CTNNA2: variants seen among roughly 807,000 people sequenced by gnomAD.
The protein encoded by CTNNA2 is catenin alpha 2.
In CTNNA2, 42 loss-of-function variants were observed where a neutral mutation model predicts 101.0. The observed-to-expected ratio is 0.42, with a 90% CI of 0.32 to 0.54. The LOEUF (loss-of-function observed/expected upper bound fraction) is 0.54, where lower values mean the gene tolerates loss of function less well. CTNNA2 is among the 20% of genes least tolerant of loss of function. The probability of loss-of-function intolerance (pLI) is 0.14; values close to 1 mark genes in which losing one functional copy is unlikely to be tolerated. For missense variants in CTNNA2, 871 were observed against 1,223.1 expected, an observed-to-expected ratio of 0.71 and a Z score of 4.29; for synonymous variants, 450 against 456.4, an observed-to-expected ratio of 0.99 and a Z score of 0.18.
chr2:80,259,175 C>T (rs1672405466), intron 7 of CTNNA2, among the ~76,000 whole-genome samples: 1 of 152,116 alleles, frequency 6.6e-6, no homozygotes, highest in South Asian at 2.1e-4. Flanking sequence ...TGTCTAGATA[C>T]TGGGTAGCTG....
intron 7 of CTNNA2, among the ~76,000 whole-genome samples, chr2:80,190,851 C>T (rs1471979939): frequency 6.6e-6 from 1 of 152,158 alleles, no homozygotes; most frequent in Non-Finnish European, 1.5e-5. Flanking sequence ...CCTTTTGCAA[C>T]AGCAATGTCC....
rs1221113620 is a variant in CTNNA2 at position 80,140,483 on chromosome 2, GCT to G, written c.1056+230689_1056+230690del. Among the ~76,000 whole-genome samples the G allele has an allele frequency of 3.4e-3, 521 of 152,224 alleles. 2 individuals are homozygous for G. Among genetic ancestry groups the G allele is most frequent in the African/African-American group, 0.011 (470 of 41,552 alleles). ...TGGTCTTAAGTCCATGGTGACAGAA[GCT>G]CTGTCCTATCCCTTCCCACCCATCC... is the stretch of plus-strand genomic sequence containing the variant. On this transcript the variant is annotated intron_variant, in intron 7 of 18. Transcript: ENST00000402739.
chr2:79,336,942 T>C (rs1438196895), intron 3 of CTNNA2, among the ~76,000 whole-genome samples: 2 of 152,152 alleles, frequency 1.3e-5, no homozygotes, highest in Non-Finnish European at 2.9e-5. Context: ...TCTTCCCAGA[T>C]TGTGACCTTG....
At chr2:80,598,894 T>C (rs1238265377) in intron 15 of CTNNA2, among the ~76,000 whole-genome samples, 1 of 152,164 alleles carries the variant, frequency 6.6e-6, no homozygotes, top group Non-Finnish European at 1.5e-5. Context: ...GTATAAACAG[T>C]ATGAGAGAAA....
intron 2 of CTNNA2, among the ~76,000 whole-genome samples, chr2:79,301,019 C>T (rs1036445001): frequency 6.6e-6 from 1 of 152,148 alleles, no homozygotes; most frequent in East Asian, 1.9e-4. Flanking sequence ...TCTCTTTTCT[C>T]TTTCTGAAAT....
chr2:79,868,476 TCTTC>T (rs1054334290), intron 4 of CTNNA2, among the ~76,000 whole-genome samples: 3 of 152,262 alleles, frequency 2.0e-5, no homozygotes, highest in Non-Finnish European at 4.4e-5. Context: ...ATACGTATTC[TCTTC>T]CTTTGCTCAG....
At chr2:79,672,862 A>T (rs1413869321) in intron 2 of CTNNA2, among the ~76,000 whole-genome samples, 4 of 151,954 alleles carry the variant, frequency 2.6e-5, no homozygotes, top group Non-Finnish European at 5.9e-5. Context: ...GGCGCCTGCC[A>T]CCATGCCCAG....
At chr2:79,220,928 A>G (rs1674336604) in intron 2 of CTNNA2, among the ~76,000 whole-genome samples, 1 of 152,216 alleles carries the variant, frequency 6.6e-6, no homozygotes, top group African/African-American at 2.4e-5. Flanking sequence ...AATAATAAAT[A>G]CTGAGAAATA....
chr2:79,340,634 C>T (rs1677108836), intron 3 of CTNNA2, among the ~76,000 whole-genome samples: 1 of 151,918 alleles, frequency 6.6e-6, no homozygotes, highest in Non-Finnish European at 1.5e-5. Flanking sequence ...GAGATAGAGA[C>T]CGTCCTGGCT....
In CTNNA2 at chr2:79,874,339, T is replaced by G; in HGVS notation, c.849T>G (p.Phe283Leu). The G allele has an allele frequency of 1.2e-6, 2 of 1,613,682 alleles. No individual in the cohort carries two copies. The highest frequency in any genetic ancestry group is 1.7e-6 in the Non-Finnish European group (2 of 1,179,884). The stretch of plus-strand genomic sequence containing the variant: ...AGCTGGCTGCGGCTCTTAATGAGTT[T>G]GACGTAAGCATCCTGGTGAGGTACA... The part of the protein sequence containing the change: ...IGELAAALNE[F>L]DNKIILDPMT... The change falls in exon 6 of 19, where the codon TTT (phenylalanine) becomes TTG (leucine). Residue 283 changes from phenylalanine (F) to leucine (L), a missense_variant. Phe to Leu is a conservative substitution (Grantham distance 22). Coordinates refer to ENST00000402739, the MANE Select transcript of CTNNA2 (RefSeq NM_001282597.3).
intron 2 of CTNNA2, among the ~76,000 whole-genome samples, chr2:79,263,415 C>A (rs915454408): frequency 2.0e-5 from 3 of 152,160 alleles, no homozygotes; most frequent in Non-Finnish European, 4.4e-5. Flanking sequence ...TGTGATATTT[C>A]TGCTCCCTTT....
At chr2:80,334,629 T>C (rs77781397) in intron 7 of CTNNA2, among the ~76,000 whole-genome samples, 11,530 of 152,284 alleles carry the variant, frequency 0.076, 436 homozygotes, top group Non-Finnish European at 0.089. Context: ...TGAATGTGAT[T>C]ATTTTTCCTT....
At chr2:79,374,557 A>C (rs1297635872) in intron 4 of CTNNA2, among the ~76,000 whole-genome samples, 1 of 152,062 alleles carries the variant, frequency 6.6e-6, no homozygotes, top group Non-Finnish European at 1.5e-5. Context: ...ACATTTAGTC[A>C]ACATTCTCTA....
chr2:80,448,515 C>T (rs184970943), intron 9 of CTNNA2, among the ~76,000 whole-genome samples: 2 of 152,276 alleles, frequency 1.3e-5, no homozygotes, highest in Admixed American at 1.3e-4. Context: ...ACTTCAAAAA[C>T]TCCAAGCCTG....
At chr2:79,694,006 A>G (rs892404006) in intron 2 of CTNNA2, among the ~76,000 whole-genome samples, 2 of 152,008 alleles carry the variant, frequency 1.3e-5, no homozygotes, top group African/African-American at 4.8e-5. Flanking sequence ...CAAATATTGT[A>G]TTATTCATAT....
At chr2:79,512,564 T>TCC (rs1276167161), upstream of CTNNA2, among the ~76,000 whole-genome samples, 2 of 141,016 alleles carry the variant, frequency 1.4e-5, no homozygotes, top group Non-Finnish European at 3.1e-5. Flanking sequence ...GACACCCCTA[T>TCC]CCCCCCCGCC....
intron 5 of CTNNA2, 59 bp downstream of exon 5, chr2:79,869,994 G>C: frequency 6.3e-7 from 1 of 1,586,326 alleles, no homozygotes; most frequent in Non-Finnish European, 8.6e-7. Flanking sequence ...TAACCCTGTA[G>C]CTTTTTAGGC....
At chr2:79,470,374 A>C (rs1461051540) in intron 4 of CTNNA2, among the ~76,000 whole-genome samples, 35 of 152,194 alleles carry the variant, frequency 2.3e-4, no homozygotes, top group Admixed American at 2.3e-3. Flanking sequence ...TTTCTCGATA[A>C]AACTGTAAAT....
chr2:80,476,170 A>C (rs1024707208), intron 9 of CTNNA2, among the ~76,000 whole-genome samples: 1 of 152,090 alleles, frequency 6.6e-6, no homozygotes, highest in Non-Finnish European at 1.5e-5. Flanking sequence ...ACCACAGATG[A>C]TGTCTGATTC....
Sources: gnomAD v4.1 joint callset for allele counts (sites outside exome capture counted in the v4.1 genomes callset) on GRCh38, gnomAD v4.1.1 for gene constraint, MANE v1.5 for transcripts, NCBI Gene and HGNC (gene_info 2026-07-23, HGNC 2026-07-21) for gene names.